The following C1QTNF3 variants were observed in gnomAD, a reference collection of about 807,000 sequenced individuals.
C1QTNF3 encodes C1q and TNF related 3, also known as complement C1q tumor necrosis factor-related protein 3.
Under a neutral mutation model 32.6 loss-of-function variants are expected in C1QTNF3, and 26 were observed. The ratio of observed to expected loss-of-function variants is 0.80; its 90% CI spans 0.58 to 1.11. The LOEUF is 1.11. Ranked by LOEUF, C1QTNF3 falls within the 50% of genes least tolerant of loss-of-function variation. C1QTNF3 has a pLI of 0.00. For missense variants in C1QTNF3, 362 were observed against 398.2 expected (o/e 0.91, Z 0.77); for synonymous variants, 155 against 146.0 (o/e 1.06, Z -0.44).
At chr5:34,059,077 T>C in the C1QTNF3 span, among the ~76,000 whole-genome samples, 5 of 152,300 alleles carry the variant, frequency 3.3e-5, no homozygotes, top group East Asian at 1.9e-4. Context: ...CTCTTAACAA[T>C]TGTATTCATT....
chr5:34,117,114 T>C, the C1QTNF3 span, among the ~76,000 whole-genome samples: 2 of 152,106 alleles, frequency 1.3e-5, no homozygotes, highest in Middle Eastern at 3.2e-3. Context: ...GTAACTGATA[T>C]GTGGGAGTGA....
chr5:34,166,408 G>A, the C1QTNF3 span: 1 of 151,604 alleles, frequency 6.6e-6, no homozygotes, highest in African/African-American at 2.4e-5. Flanking sequence ...CTGTTCCCAG[G>A]GAAATGGAAA....
the C1QTNF3 span, among the ~76,000 whole-genome samples, chr5:34,209,285 G>A: frequency 0.12 from 17,866 of 151,292 alleles, 2,846 homozygotes; most frequent in African/African-American, 0.36. Context: ...TGAATAATTT[G>A]GATATTTAAA....
chr5:34,129,987 A>G, the C1QTNF3 span, among the ~76,000 whole-genome samples: 1 of 151,894 alleles, frequency 6.6e-6, no homozygotes, highest in Admixed American at 6.6e-5. Flanking sequence ...ATTTTCTTAA[A>G]TGTCTGTTCC....
the C1QTNF3 span, among the ~76,000 whole-genome samples, chr5:34,062,112 T>G: frequency 6.6e-6 from 1 of 152,244 alleles, no homozygotes; most frequent in Non-Finnish European, 1.5e-5. Context: ...CACAGGTCTC[T>G]AGGGCAGGGC....
At chr5:34,037,680 C>T (rs1222666960) in intron 1 of C1QTNF3, among the ~76,000 whole-genome samples, 1 of 152,154 alleles carries the variant, frequency 6.6e-6, no homozygotes, top group Non-Finnish European at 1.5e-5. Context: ...TGGACAAGAA[C>T]TAGAGTCTAT....
At chr5:34,040,727 G>A (rs1005410908) in intron 1 of C1QTNF3, among the ~76,000 whole-genome samples, 5 of 151,744 alleles carry the variant, frequency 3.3e-5, no homozygotes, top group South Asian at 2.1e-4. Flanking sequence ...ATGTCCCGTC[G>A]TCCCCCCAAC....
At chr5:34,207,793 T>G in the C1QTNF3 span, among the ~76,000 whole-genome samples, 2 of 151,646 alleles carry the variant, frequency 1.3e-5, no homozygotes, top group Admixed American at 6.6e-5. Context: ...TGAGAAAGTT[T>G]TTTTTTTTTT....
the C1QTNF3 span, among the ~76,000 whole-genome samples, chr5:34,206,229 T>TA: frequency 1.4e-5 from 2 of 138,362 alleles, no homozygotes; most frequent in South Asian, 2.5e-4. Flanking sequence ...AGTCAGCTCT[T>TA]AAAGACATCT....
At chr5:34,136,813 G>GCACACC in the C1QTNF3 span, among the ~76,000 whole-genome samples, 1 of 152,356 alleles carries the variant, frequency 6.6e-6, no homozygotes, top group African/African-American at 2.4e-5. Context: ...GGAATACTAT[G>GCACACC]CAGCCATAAA....
At chr5:34,137,445 G>A in the C1QTNF3 span, among the ~76,000 whole-genome samples, 11 of 152,236 alleles carry the variant, frequency 7.2e-5, no homozygotes, top group African/African-American at 2.4e-4. Context: ...TTATTTATGT[G>A]TGAAGTCCTC....
the C1QTNF3 span, among the ~76,000 whole-genome samples, chr5:34,126,666 A>G: frequency 6.7e-6 from 1 of 148,886 alleles, no homozygotes; most frequent in African/African-American, 2.5e-5. Context: ...AGTATCATTC[A>G]TAACAGCCAA....
intron 1 of C1QTNF3, among the ~76,000 whole-genome samples, chr5:34,041,581 C>T (rs10074193): frequency 0.18 from 27,275 of 152,096 alleles, 2,624 homozygotes; most frequent in East Asian, 0.39. Flanking sequence ...CAAATTAGTG[C>T]TAATCATTAC....
Position 34,018,459 on chromosome 5 carries a change from T to C in C1QTNF3, c.*2124A>G, listed in dbSNP as rs897846246. Reference sequence around the variant, plus strand: ...CCATGTACTTATTCCCTTTAGCCTATTGTCCTCTACTAGGTTGAAAAATTA... The same window carrying C: ...CCATGTACTTATTCCCTTTAGCCTACTGTCCTCTACTAGGTTGAAAAATTA... On this transcript the variant is annotated 3_prime_UTR_variant, in exon 6 of 6. Transcript: ENST00000382065. Among the ~76,000 whole-genome samples the C allele has an allele frequency of 6.6e-6, 1 of 152,208 alleles. No homozygotes were observed. The highest frequency in any genetic ancestry group is 2.4e-5 in the African/African-American group (1 of 41,456).
At chr5:34,049,176 C>A in the C1QTNF3 span, among the ~76,000 whole-genome samples, 1 of 152,154 alleles carries the variant, frequency 6.6e-6, no homozygotes, top group African/African-American at 2.4e-5. Context: ...GTGGCTGTAG[C>A]TGGTTCCAGG....
chr5:34,229,598 T>C, the C1QTNF3 span, among the ~76,000 whole-genome samples: 5 of 152,136 alleles, frequency 3.3e-5, no homozygotes, highest in African/African-American at 4.8e-5. Context: ...CTATCATAGA[T>C]TTTAGATGGC....
At chr5:34,062,955 G>A in the C1QTNF3 span, among the ~76,000 whole-genome samples, 2 of 152,114 alleles carry the variant, frequency 1.3e-5, no homozygotes, top group Non-Finnish European at 2.9e-5. Flanking sequence ...TCTTCTGTCA[G>A]CAAAGCAGTT....
chr5:34,213,176 G>T, the C1QTNF3 span, among the ~76,000 whole-genome samples: 1 of 152,120 alleles, frequency 6.6e-6, no homozygotes, highest in South Asian at 2.1e-4. Context: ...ACATAACAAC[G>T]TTTACATCAA....
At chr5:34,154,043 AAT>A in the C1QTNF3 span, among the ~76,000 whole-genome samples, 7 of 151,690 alleles carry the variant, frequency 4.6e-5, no homozygotes, top group African/African-American at 1.5e-4. Context: ...AAAAAAAAAA[AAT>A]GTCATTTGGT....
Sources: allele counts gnomAD v4.1 joint callset (sites outside exome capture counted in the v4.1 genomes callset), GRCh38; gene constraint gnomAD v4.1.1; transcripts MANE v1.5; gene names NCBI Gene and HGNC (gene_info 2026-07-23, HGNC 2026-07-21).